GNL3L: variants seen among roughly 807,000 people sequenced by gnomAD.
The protein encoded by GNL3L is G protein nucleolar 3 like.
GNL3L carries 4 observed loss-of-function variants against 42.9 expected under a neutral mutation model. The ratio of observed to expected loss-of-function variants is 0.09; its 90% CI spans 0.05 to 0.21. GNL3L has a LOEUF of 0.21. GNL3L is among the 10% of genes least tolerant of loss of function. GNL3L has a pLI of 1.00. For missense variants in GNL3L, 412 were observed against 481.7 expected (o/e 0.86, Z 1.36); for synonymous variants, 159 against 176.3 (o/e 0.90, Z 0.78).
intron 16 of GNL3L, among the ~76,000 whole-genome samples, chrX:54,607,972 G>C (rs1295634245): frequency 8.9e-6 from 1 of 112,179 alleles, no homozygotes; most frequent in Non-Finnish European, 1.9e-5. Context: ...ATGAAGCTCA[G>C]AGACATAATG....
chrX:54,558,023 A>G (rs984728017), intron 14 of GNL3L, among the ~76,000 whole-genome samples: 2 of 110,808 alleles, frequency 1.8e-5, no homozygotes, highest in African/African-American at 6.6e-5. Context: ...AGCTAGGACT[A>G]CAGGCGTGTG....
the GNL3L span, among the ~76,000 whole-genome samples, chrX:54,641,446 C>T: frequency 2.7e-5 from 3 of 111,359 alleles, no homozygotes; most frequent in Admixed American, 9.5e-5. Context: ...ATAATGTTAC[C>T]GTGAATAATT....
intron 16 of GNL3L, among the ~76,000 whole-genome samples, chrX:54,618,549 G>A (rs1474997059): frequency 1.8e-5 from 2 of 111,239 alleles, no homozygotes; most frequent in African/African-American, 6.5e-5. Flanking sequence ...ATAAGCACTA[G>A]ATCACAATAG....
chrX:54,618,623 A>G (rs1926250255), intron 16 of GNL3L, among the ~76,000 whole-genome samples: 2 of 111,750 alleles, frequency 1.8e-5, no homozygotes, highest in South Asian at 7.5e-4. Flanking sequence ...TGGGCTGGGC[A>G]TGGTGGCTCA....
intron 16 of GNL3L, among the ~76,000 whole-genome samples, chrX:54,577,777 G>A (rs1925656103): frequency 9.1e-6 from 1 of 109,686 alleles, no homozygotes; most frequent in Non-Finnish European, 1.9e-5. Context: ...TCTCACTCCC[G>A]TTGCCCAGGC....
At chrX:54,549,370 C>T (rs1240456292) in intron 9 of GNL3L, among the ~76,000 whole-genome samples, 1 of 111,387 alleles carries the variant, frequency 9.0e-6, no homozygotes, top group East Asian at 2.8e-4. Flanking sequence ...CACACACACC[C>T]ACCCCAACGC....
chrX:54,552,274 C>T lies in GNL3L; in HGVS notation c.1182-18C>T. ...TCTCAGTGACAGCACCACTCATCTCCCCTATCTCCCAATGCAGCGGGAAGA... is the reference window on the plus strand; with the variant it reads ...TCTCAGTGACAGCACCACTCATCTCTCCTATCTCCCAATGCAGCGGGAAGA... On this transcript the variant is annotated intron_variant, in intron 12 of 15. Transcript: ENST00000360845. 1.7e-6 allele frequency: 2 copies of T among 1,205,528 alleles called. No individual in the cohort carries two copies. Among genetic ancestry groups the T allele is most frequent in the Non-Finnish European group, 1.1e-6 (1 of 889,795 alleles).
rs147695202 is a variant in GNL3L at position 54,610,048 on chromosome X, C to T, written c.*46-10797C>T. ...TTCAGCAGTGTTTTGTAGTTTTCCT[C>T]GTAGAGGTCTTTCACATCCTTGGTT... On this transcript the variant is annotated intron_variant, in intron 16 of 16. Transcript: ENST00000674498. Among the ~76,000 whole-genome samples, 278 of 111,644 alleles carry T rather than the reference C, an allele frequency of 2.5e-3. 1 individual carries two copies. Among genetic ancestry groups the T allele is most frequent in the African/African-American group, 8.7e-3 (267 of 30,760 alleles).
chrX:54,607,061 T>TTTC (rs1926089363), intron 16 of GNL3L, among the ~76,000 whole-genome samples: 2 of 48,427 alleles, frequency 4.1e-5, no homozygotes, highest in African/African-American at 1.1e-4. Context: ...TCTTTCTTTC[T>TTTC]TTCTTTCTTT....
chrX:54,578,061 G>A (rs1198470699), intron 16 of GNL3L, among the ~76,000 whole-genome samples: 1 of 111,742 alleles, frequency 8.9e-6, no homozygotes, highest in African/African-American at 3.3e-5. Flanking sequence ...TAGTATTATC[G>A]TGTATTACTT....
Position 54,540,230 on chromosome X carries a change from A to T in GNL3L, c.177A>T (p.Leu59Phe), listed in dbSNP as rs201574982. ...PNDHANREAELKKKWVEEMRE... is the reference protein window; with the variant it reads ...PNDHANREAEFKKKWVEEMRE... ...ATCATGCCAATCGAGAGGCTGAATT[A>T]AAGAAGAAGTGGGTAAGCTTTTTGC... Residue 59 changes from leucine to phenylalanine, a missense_variant, in exon 4 of 16, where the codon TTA becomes TTT. Transcript: ENST00000360845. 6 of 1,161,066 alleles carry T rather than the reference A, an allele frequency of 5.2e-6. No homozygotes were observed. The highest frequency in any genetic ancestry group is 7.1e-6 in the Non-Finnish European group (6 of 849,575).
At chrX:54,556,719 G>T (rs755501100) in intron 14 of GNL3L, among the ~76,000 whole-genome samples, 4 of 111,219 alleles carry the variant, frequency 3.6e-5, no homozygotes, top group Non-Finnish European at 7.5e-5. Context: ...TGTGCTCTAT[G>T]TTTTTTCAGT....
chrX:54,622,536 C>T (rs1219964931), downstream of GNL3L, among the ~76,000 whole-genome samples: 6 of 109,611 alleles, frequency 5.5e-5, no homozygotes, highest in South Asian at 3.9e-4. Flanking sequence ...CCGCCTGCCT[C>T]GGCCTCCCAG....
intron 2 of GNL3L, among the ~76,000 whole-genome samples, chrX:54,535,990 C>T (rs1004446370): frequency 6.5e-5 from 7 of 107,832 alleles, no homozygotes; most frequent in Non-Finnish European, 1.1e-4. Flanking sequence ...TGCAGTGGTG[C>T]GATCTTGGCT....
the GNL3L span, among the ~76,000 whole-genome samples, chrX:54,634,515 T>C: frequency 9.1e-6 from 1 of 110,484 alleles, no homozygotes; most frequent in East Asian, 2.9e-4. Flanking sequence ...AGTCTTGCTC[T>C]GTCACCAGGC....
At chrX:54,623,504 C>T (rs1926315321), downstream of GNL3L, among the ~76,000 whole-genome samples, 1 of 112,001 alleles carries the variant, frequency 8.9e-6, no homozygotes, top group Non-Finnish European at 1.9e-5. Flanking sequence ...ACCTTGTGAT[C>T]CGCCTGCCTC....
chrX:54,632,300 T>C, the GNL3L span, among the ~76,000 whole-genome samples: 1 of 111,945 alleles, frequency 8.9e-6, no homozygotes, highest in Non-Finnish European at 1.9e-5. Flanking sequence ...GAGTCTCTTG[T>C]ATTTGGATGT....
chrX:54,601,306 T>C (rs1231153495), intron 16 of GNL3L, among the ~76,000 whole-genome samples: 3 of 111,942 alleles, frequency 2.7e-5, no homozygotes, highest in African/African-American at 9.7e-5. Flanking sequence ...CCTGGAAATA[T>C]ACTAAAAGCC....
At chrX:54,602,103 A>G (rs1404437607) in intron 16 of GNL3L, among the ~76,000 whole-genome samples, 2 of 110,874 alleles carry the variant, frequency 1.8e-5, no homozygotes, top group Non-Finnish European at 3.8e-5. Context: ...AATACTTGGT[A>G]TGGGATTTCT....
Sources: allele counts gnomAD v4.1 joint callset (sites outside exome capture counted in the v4.1 genomes callset), GRCh38; gene constraint gnomAD v4.1.1; transcripts MANE v1.5; gene names NCBI Gene and HGNC (gene_info 2026-07-23, HGNC 2026-07-21).